Variants in MTSS1 observed in about 807,000 individuals in gnomAD.
MTSS1 encodes the protein protein MTSS 1.
A neutral mutation model predicts 79.0 loss-of-function variants in MTSS1; 18 were observed. That is an observed-to-expected ratio of 0.23 (90% CI 0.16 to 0.34). The LOEUF (loss-of-function observed/expected upper bound fraction) is 0.34. Among genes scored for constraint, MTSS1 ranks in the 10% least tolerant of loss-of-function variants. MTSS1 has a pLI of 1.00. For synonymous variants in MTSS1, 341 were observed against 368.6 expected, an observed-to-expected ratio of 0.93 and a Z score of 0.86; for missense variants, 815 against 986.2, an observed-to-expected ratio of 0.83 and a Z score of 2.33.
At chr8:124,679,145 C>G (rs1275669969) in intron 3 of MTSS1, among the ~76,000 whole-genome samples, 1 of 152,232 alleles carries the variant, frequency 6.6e-6, no homozygotes, top group Non-Finnish European at 1.5e-5. Flanking sequence ...TTTGTGAGGG[C>G]AAGTCCTTTA....
At chr8:124,671,295 C>T (rs1402629174) in intron 3 of MTSS1, among the ~76,000 whole-genome samples, 1 of 152,094 alleles carries the variant, frequency 6.6e-6, no homozygotes, top group African/African-American at 2.4e-5. Context: ...ATTGCTTCTA[C>T]CCCCGTTCTC....
chr8:124,578,391 T>G (rs975587614), intron 6 of MTSS1, among the ~76,000 whole-genome samples: 1 of 152,086 alleles, frequency 6.6e-6, no homozygotes, highest in Non-Finnish European at 1.5e-5. Flanking sequence ...TATCCCCTCC[T>G]CATTCTTCAA....
At chr8:124,592,921 G>C (rs1832099687) in intron 3 of MTSS1, among the ~76,000 whole-genome samples, 1 of 152,192 alleles carries the variant, frequency 6.6e-6, no homozygotes, top group Admixed American at 6.5e-5. Flanking sequence ...TCTCCAGAGA[G>C]TACCAAGTGT....
At chr8:124,600,145 C>T (rs1036766113) in intron 3 of MTSS1, among the ~76,000 whole-genome samples, 9 of 151,852 alleles carry the variant, frequency 5.9e-5, no homozygotes, top group Non-Finnish European at 1.3e-4. Context: ...ATTTCCATGT[C>T]GGGCTTCTTG....
intron 8 of MTSS1, 69 bp downstream of exon 8, chr8:124,567,002 G>A: frequency 8.3e-7 from 1 of 1,197,810 alleles, no homozygotes; most frequent in Non-Finnish European, 1.2e-6. Context: ...CATGCCACAG[G>A]AACACTCAGG....
intron 6 of MTSS1, among the ~76,000 whole-genome samples, chr8:124,581,917 C>T (rs950767749): frequency 2.0e-5 from 3 of 152,148 alleles, no homozygotes; most frequent in African/African-American, 7.2e-5. Flanking sequence ...TGGTCAACTC[C>T]AAGACCTCCA....
In MTSS1 at chr8:124,551,613, G is replaced by C. The variant is rs970428380; in HGVS notation, c.*1379C>G. 1 of 152,548 alleles carries C rather than the reference G, an allele frequency of 6.6e-6. No individual in the cohort carries two copies. The highest frequency in any genetic ancestry group is 6.5e-5 in the Admixed American group (1 of 15,282). The allele number at this position is 152,548 out of a possible 1,614,324, so 9.4% of individuals were successfully genotyped here. On this transcript the variant is annotated 3_prime_UTR_variant, in exon 14 of 14. Coordinates refer to ENST00000518547, the MANE Select transcript of MTSS1 (RefSeq NM_014751.6). ...CCCTGTTATGACCTGACTGCTAAGG[G>C]ACTTGCTTGCTTTCTTAAACACTAT...
chr8:124,619,506 C>T (rs929178161), intron 3 of MTSS1: 2 of 152,360 alleles, frequency 1.3e-5, no homozygotes. Flanking sequence ...GGGCTCCCCT[C>T]TCTTGCACGG....
At chr8:124,685,567 T>A (rs56220208) in intron 3 of MTSS1, among the ~76,000 whole-genome samples, 18,686 of 152,148 alleles carry the variant, frequency 0.12, 1,612 homozygotes, top group Admixed American at 0.26. Context: ...AGTCAGAGTC[T>A]GCAGGTGAGG....
chr8:124,625,115 C>T (rs1814404342), intron 3 of MTSS1, among the ~76,000 whole-genome samples: 1 of 152,172 alleles, frequency 6.6e-6, no homozygotes, highest in Admixed American at 6.5e-5. Flanking sequence ...AGAAAGGAGA[C>T]TGAATGAGAA....
intron 1 of MTSS1, among the ~76,000 whole-genome samples, chr8:124,715,494 G>A (rs1831805004): frequency 6.6e-6 from 1 of 152,076 alleles, no homozygotes; most frequent in Non-Finnish European, 1.5e-5. Flanking sequence ...TGGCCTTGCT[G>A]CGCTATACAC....
intron 3 of MTSS1, among the ~76,000 whole-genome samples, chr8:124,696,649 G>A (rs796631600): frequency 6.6e-6 from 1 of 152,056 alleles, no homozygotes; most frequent in Non-Finnish European, 1.5e-5. Context: ...TCAGGAGTTC[G>A]AGACCAGTCT....
chr8:124,632,279 CAAA>C (rs59976165), intron 3 of MTSS1, among the ~76,000 whole-genome samples: 11 of 69,156 alleles, frequency 1.6e-4, no homozygotes, highest in Admixed American at 8.6e-4. Flanking sequence ...GACTCTGTCT[CAAA>C]AAAAAAAAAA....
rs768492710 is a variant in MTSS1, at chr8:124,553,829, C to T, written c.1568-137G>A. 3.0e-4 allele frequency: 231 copies of T among 762,536 alleles called. No homozygotes were observed. Among genetic ancestry groups the T allele is most frequent in the Non-Finnish European group, 4.3e-4 (210 of 486,838 alleles). The allele number at this position is 762,536 out of a possible 1,614,324, so 47.2% of individuals were successfully genotyped here. The stretch of plus-strand genomic sequence containing the variant: ...CCAAGCTTCCCCCAGGCTTCTCTAC[C>T]ATCTTCAGAAAGCCTCACCAACTAA... On this transcript the variant is annotated intron_variant, in intron 13 of 13. Transcript: ENST00000518547. This position sits in a 1 kb window ranked among gnomAD's most constrained non-coding sequence, Gnocchi z 6.0.
chr8:124,661,973 T>C (rs1214933518), intron 3 of MTSS1, among the ~76,000 whole-genome samples: 3 of 152,148 alleles, frequency 2.0e-5, no homozygotes, highest in Admixed American at 2.0e-4. Flanking sequence ...CACCCATCCA[T>C]GAACACCAAG....
At chr8:124,593,937 C>G (rs1057418222) in intron 3 of MTSS1, among the ~76,000 whole-genome samples, 4 of 152,138 alleles carry the variant, frequency 2.6e-5, no homozygotes, top group Non-Finnish European at 5.9e-5. Context: ...GGTGTTGGTG[C>G]TTTAAAGCCA....
intron 3 of MTSS1, among the ~76,000 whole-genome samples, chr8:124,631,974 AGAG>A (rs1355709101): frequency 6.6e-6 from 1 of 152,222 alleles, no homozygotes; most frequent in African/African-American, 2.4e-5. Context: ...GCAAAGAGAA[AGAG>A]GAGAAAAGTT....
chr8:124,725,564 C>T (rs891800987), intron 1 of MTSS1, among the ~76,000 whole-genome samples: 3 of 152,064 alleles, frequency 2.0e-5, no homozygotes, highest in African/African-American at 7.2e-5. Flanking sequence ...TCCCTCAGAG[C>T]AAACAGATAG....
At chr8:124,635,874 C>G (rs1324402335) in intron 3 of MTSS1, among the ~76,000 whole-genome samples, 1 of 152,038 alleles carries the variant, frequency 6.6e-6, no homozygotes, top group Non-Finnish European at 1.5e-5. Flanking sequence ...AACAAGAAAG[C>G]CTACCTGCCT....
Sources: allele counts gnomAD v4.1 joint callset (sites outside exome capture counted in the v4.1 genomes callset), GRCh38; gene constraint gnomAD v4.1.1; non-coding constraint Gnocchi (gnomAD v3.1); transcripts MANE v1.5; gene names NCBI Gene and HGNC (gene_info 2026-07-23, HGNC 2026-07-21).